The following SLC38A6 variants were observed in gnomAD, a reference collection of about 807,000 sequenced individuals.
SLC38A6 encodes the protein solute carrier family 38 member 6, also known as N system amino acid transporter NAT-1.
A neutral mutation model predicts 65.0 loss-of-function variants in SLC38A6; 73 were observed. The ratio of observed to expected loss-of-function variants is 1.12; its 90% CI spans 0.93 to 1.37. SLC38A6 has a LOEUF of 1.37. Among genes scored for constraint, SLC38A6 ranks in the 40% most tolerant of loss-of-function variants. The pLI is 0.00. For synonymous variants in SLC38A6, 183 were observed against 178.8 expected, an observed-to-expected ratio of 1.02 and a Z score of -0.19; for missense variants, 561 against 531.1, an observed-to-expected ratio of 1.06 and a Z score of -0.55.
downstream of SLC38A6, among the ~76,000 whole-genome samples, chr14:61,054,115 A>C (rs953890189): frequency 6.6e-6 from 1 of 152,134 alleles, no homozygotes; most frequent in African/African-American, 2.4e-5. Context: ...TTCCAGCATC[A>C]TTTATTGAAT....
At chr14:60,997,188 G>A (rs369500905) in intron 3 of SLC38A6, among the ~76,000 whole-genome samples, 13 of 152,150 alleles carry the variant, frequency 8.5e-5, no homozygotes, top group African/African-American at 2.4e-4. Context: ...GTGCAGTGGT[G>A]TAATCTTGGC....
At chr14:61,067,321 AT>A (rs1213535881) in intron 15 of SLC38A6, among the ~76,000 whole-genome samples, 1 of 152,144 alleles carries the variant, frequency 6.6e-6, no homozygotes, top group East Asian at 1.9e-4. Context: ...TAAGCATTGA[AT>A]ATACGTACAC....
intron 10 of SLC38A6, among the ~76,000 whole-genome samples, chr14:61,044,193 T>C (rs1449980315): frequency 6.6e-6 from 1 of 152,192 alleles, no homozygotes; most frequent in Admixed American, 6.5e-5. Context: ...TCTGCTGAAA[T>C]GCTATTTTGT....
At chr14:60,998,664 A>G (rs191797151) in intron 3 of SLC38A6, among the ~76,000 whole-genome samples, 64 of 152,324 alleles carry the variant, frequency 4.2e-4, no homozygotes, top group African/African-American at 1.5e-3. Flanking sequence ...TGGAAGGCAG[A>G]GCTAAAAGAG....
chr14:60,990,347 C>T (rs1235666790), intron 3 of SLC38A6, among the ~76,000 whole-genome samples: 1 of 152,026 alleles, frequency 6.6e-6, no homozygotes, highest in African/African-American at 2.4e-5. Flanking sequence ...CATTATCGGG[C>T]TCATGGTGAT....
At chr14:61,054,029 C>A (rs368663164), downstream of SLC38A6, among the ~76,000 whole-genome samples, 5 of 152,080 alleles carry the variant, frequency 3.3e-5, no homozygotes, top group East Asian at 9.6e-4. Flanking sequence ...AGTCTTTAAT[C>A]CATCTTGAGT....
intron 3 of SLC38A6, chr14:60,987,461 G>T (rs1262168511): frequency 6.6e-6 from 1 of 152,230 alleles, no homozygotes; most frequent in Admixed American, 6.5e-5. Context: ...GACTTTTCAT[G>T]GGAGCTGAGG....
At position 61,050,116 on chromosome 14, in the gene SLC38A6, G is replaced by A. The variant is rs1594750615; in HGVS notation, c.926-396G>A. Among the ~76,000 whole-genome samples the A allele has an allele frequency of 3.3e-5, 5 of 152,082 alleles. No individual in the cohort carries two copies. In the South Asian group the frequency reaches 6.2e-4, roughly 19 times the overall value. Reference sequence around the variant, plus strand: ...GCCCCTTTGTGTTATGTGATCTTAGGCAAATCATTTAACACTTTTGGACCT... The same window carrying A: ...GCCCCTTTGTGTTATGTGATCTTAGACAAATCATTTAACACTTTTGGACCT... On this transcript the variant is annotated intron_variant, in intron 12 of 15. Coordinates refer to ENST00000267488, the MANE Select transcript of SLC38A6 (RefSeq NM_153811.3).
At chr14:60,998,746 C>T (rs1227199644) in intron 3 of SLC38A6, among the ~76,000 whole-genome samples, 2 of 152,120 alleles carry the variant, frequency 1.3e-5, no homozygotes, top group Non-Finnish European at 2.9e-5. Flanking sequence ...GGGGCTGGAG[C>T]CCAAAAGCGC....
intron 5 of SLC38A6, among the ~76,000 whole-genome samples, chr14:61,022,400 T>C (rs928231146): frequency 3.3e-5 from 5 of 151,696 alleles, no homozygotes; most frequent in African/African-American, 4.8e-5. Flanking sequence ...TTCTAGTCCA[T>C]GTATGCTTGC....
chr14:61,000,418 A>C (rs541190407), intron 3 of SLC38A6, among the ~76,000 whole-genome samples: 1 of 152,350 alleles, frequency 6.6e-6, no homozygotes, highest in Non-Finnish European at 1.5e-5. Flanking sequence ...TCACGAGGTC[A>C]GGAGTTCGTG....
At chr14:60,984,858 T>C in intron 3 of SLC38A6, 55 bp downstream of exon 3, 1 of 1,499,002 alleles carries the variant, frequency 6.7e-7, no homozygotes, top group East Asian at 2.3e-5. Flanking sequence ...TGAGTTTGTA[T>C]CTACATATAG....
At chr14:60,994,472 G>A (rs1169717119) in intron 3 of SLC38A6, among the ~76,000 whole-genome samples, 1 of 152,146 alleles carries the variant, frequency 6.6e-6, no homozygotes, top group East Asian at 1.9e-4. Flanking sequence ...TTGAACCCGG[G>A]AGTTGGAGGT....
At chr14:61,024,753 C>T (rs1298777236) in intron 5 of SLC38A6, among the ~76,000 whole-genome samples, 1 of 152,166 alleles carries the variant, frequency 6.6e-6, no homozygotes, top group Non-Finnish European at 1.5e-5. Context: ...ACATCCCAAT[C>T]ATCTTCTTAG....
intron 2 of SLC38A6, among the ~76,000 whole-genome samples, chr14:60,983,836 C>G (rs1257146158): frequency 6.6e-6 from 1 of 152,176 alleles, no homozygotes; most frequent in Non-Finnish European, 1.5e-5. Flanking sequence ...CAGGGTCTTA[C>G]ATGCAGATAT....
intron 8 of SLC38A6, among the ~76,000 whole-genome samples, chr14:61,041,959 GT>G (rs144531121): frequency 2.0e-5 from 3 of 150,670 alleles, no homozygotes; most frequent in African/African-American, 7.3e-5. Flanking sequence ...CATCCTCATC[GT>G]TTTTTTTTGT....
intron 3 of SLC38A6, among the ~76,000 whole-genome samples, chr14:60,996,935 A>G (rs1194448702): frequency 6.6e-6 from 1 of 152,230 alleles, no homozygotes; most frequent in East Asian, 1.9e-4. Context: ...TGACATTTTC[A>G]TATATACAAG....
intron 6 of SLC38A6, among the ~76,000 whole-genome samples, chr14:61,033,809 G>GAATTATTAAGGATAAGA (rs2041164292): frequency 1.3e-5 from 2 of 152,054 alleles, no homozygotes; most frequent in East Asian, 3.9e-4. Flanking sequence ...TTATTAAGAT[G>GAATTATTAAGGATAAGA]AATTATTAAG....
At chr14:61,069,824 T>G (rs2043165240) in intron 15 of SLC38A6, among the ~76,000 whole-genome samples, 1 of 152,160 alleles carries the variant, frequency 6.6e-6, no homozygotes, top group South Asian at 2.1e-4. Flanking sequence ...CCCATCCAAT[T>G]CTATCCCCAG....
Sources: allele counts gnomAD v4.1 joint callset (sites outside exome capture counted in the v4.1 genomes callset), GRCh38; gene constraint gnomAD v4.1.1; transcripts MANE v1.5; gene names NCBI Gene and HGNC (gene_info 2026-07-23, HGNC 2026-07-21).